CFH: variants seen among roughly 807,000 people sequenced by gnomAD.
The protein encoded by CFH is H factor 1 (complement).
A neutral mutation model predicts 147.3 loss-of-function variants in CFH; 53 were observed. The observed-to-expected ratio is 0.36, with a 90% CI of 0.29 to 0.45. The LOEUF is 0.45. Ranked by LOEUF, CFH falls within the 20% of genes least tolerant of loss-of-function variation. The pLI is 1.00. For missense variants in CFH, 1,380 were observed against 1,498.0 expected, an observed-to-expected ratio of 0.92 and a Z score of 1.30; for synonymous variants, 536 against 489.4, an observed-to-expected ratio of 1.10 and a Z score of -1.26.
rs775088436 is a variant in CFH, at chr1:196,685,251, A to T, written c.964+14A>T. The T allele has an allele frequency of 3.7e-6, 6 of 1,612,196 alleles. No homozygotes were observed. The highest frequency in any genetic ancestry group is 5.1e-6 in the Non-Finnish European group (6 of 1,178,622). The stretch of plus-strand genomic sequence containing the variant: ...CGAGATGTACCTGTAAGTTCCATTC[A>T]TATCTTGACCCATTTCTTAATTCTG... On this transcript the variant is annotated intron_variant, in intron 7 of 21. Transcript: ENST00000367429.
intron 15 of CFH, among the ~76,000 whole-genome samples, chr1:196,735,630 GTAC>G (rs1669382927): frequency 6.6e-6 from 1 of 151,792 alleles, no homozygotes; most frequent in East Asian, 1.9e-4. Context: ...AAAGCAACAG[GTAC>G]TACAATCTAG....
At chr1:196,669,838 G>C (rs1016040163) in intron 1 of CFH, among the ~76,000 whole-genome samples, 5 of 152,298 alleles carry the variant, frequency 3.3e-5, no homozygotes, top group Non-Finnish European at 5.9e-5. Context: ...ATCCCAGAAT[G>C]GTAGATTCAC....
At chr1:196,729,036 A>G (rs1234505792) in intron 15 of CFH, among the ~76,000 whole-genome samples, 2 of 152,036 alleles carry the variant, frequency 1.3e-5, no homozygotes, top group Non-Finnish European at 2.9e-5. Context: ...AAAGTTAGTC[A>G]TATTGACACA....
intron 9 of CFH, among the ~76,000 whole-genome samples, chr1:196,703,698 T>A (rs1158295396): frequency 1.3e-5 from 2 of 151,860 alleles, no homozygotes; most frequent in Non-Finnish European, 2.9e-5. Context: ...TAAAGCACAG[T>A]TTTTTGCTGG....
chr1:196,676,195 G>C, intron 4 of CFH, 130 bp downstream of exon 4: 1 of 567,912 alleles, frequency 1.8e-6, no homozygotes, highest in Non-Finnish European at 2.9e-6. Flanking sequence ...ATACAATGTA[G>C]AGTGGGAATC....
chr1:196,699,882 C>A (rs1051649937), intron 9 of CFH, among the ~76,000 whole-genome samples: 6 of 152,144 alleles, frequency 3.9e-5, no homozygotes, highest in Non-Finnish European at 8.8e-5. Context: ...ATTAGGCTAG[C>A]TTTCCATTGA....
At chr1:196,692,018 A>G (rs553496186) in intron 9 of CFH, among the ~76,000 whole-genome samples, 9 of 152,096 alleles carry the variant, frequency 5.9e-5, no homozygotes, top group African/African-American at 2.2e-4. Context: ...TTTATTGTAT[A>G]TTTTGTACAT....
rs1558154228 is a variant in CFH at position 196,672,988 on chromosome 1, A to G, written c.69A>G (p.Glu23=). 2.5e-6 allele frequency: 4 copies of G among 1,613,920 alleles called. No homozygotes were observed. The highest frequency in any genetic ancestry group is 2.5e-6 in the Non-Finnish European group (3 of 1,179,886). Residue 23 remains glutamate (E), a synonymous_variant, in exon 2 of 22, where the codon GAA becomes GAG. Transcript: ENST00000367429. ...TTTTATTGTTTGTAGATTGCAATGA[A>G]CTTCCTCCAAGAAGAAATACAGAAA... ...WAICVAEDCN[E]LPPRRNTEIL...
At chr1:196,665,229 T>G (rs1667040443) in intron 1 of CFH, among the ~76,000 whole-genome samples, 1 of 151,664 alleles carries the variant, frequency 6.6e-6, no homozygotes, top group Non-Finnish European at 1.5e-5. Context: ...TTCTCCACAT[T>G]TTGTATATAT....
intron 9 of CFH, among the ~76,000 whole-genome samples, chr1:196,702,735 G>T (rs116827816): frequency 0.011 from 1,636 of 152,216 alleles, 23 homozygotes; most frequent in Middle Eastern, 0.071. Context: ...TGCTCAGATT[G>T]CAGTTCCCAC....
intron 1 of CFH, among the ~76,000 whole-genome samples, chr1:196,655,697 G>A (rs1020805316): frequency 6.6e-6 from 1 of 151,966 alleles, no homozygotes; most frequent in African/African-American, 2.4e-5. Flanking sequence ...CACCTGCCTA[G>A]GCCTTTGAGA....
Position 196,673,891 on chromosome 1 carries a change from T to C in CFH, c.279T>C (p.Phe93=), listed in dbSNP as rs756531397. 6.2e-7 allele frequency: 1 copy of C among 1,613,720 alleles called. No homozygotes were observed. Among genetic ancestry groups the C allele is most frequent in the Non-Finnish European group, 8.5e-7 (1 of 1,179,744 alleles). ...RPCGHPGDTP[F]GTFTLTGGNV... ...GTGGACATCCTGGAGATACTCCTTTTGGTACTTTTACCCTTACAGGAGGAA... is the reference window on the plus strand; with the variant it reads ...GTGGACATCCTGGAGATACTCCTTTCGGTACTTTTACCCTTACAGGAGGAA... The change falls in exon 3 of 22, where the codon TTT becomes TTC. Residue 93 remains phenylalanine, a synonymous_variant. Coordinates refer to ENST00000367429, the MANE Select transcript of CFH (RefSeq NM_000186.4).
At chr1:196,661,620 A>T (rs1366714258) in intron 1 of CFH, among the ~76,000 whole-genome samples, 1 of 152,160 alleles carries the variant, frequency 6.6e-6, no homozygotes, top group Admixed American at 6.5e-5. Flanking sequence ...CACCTTCACG[A>T]CCTAATCACT....
intron 9 of CFH, among the ~76,000 whole-genome samples, chr1:196,709,690 C>T (rs527237456): frequency 1.4e-4 from 22 of 152,180 alleles, no homozygotes; most frequent in African/African-American, 5.1e-4. Context: ...TAAAGAAGCC[C>T]TTGTCACAAG....
At chr1:196,711,712 T>C (rs889485066) in intron 9 of CFH, among the ~76,000 whole-genome samples, 1 of 152,100 alleles carries the variant, frequency 6.6e-6, no homozygotes, top group Non-Finnish European at 1.5e-5. Context: ...GACCTAGATG[T>C]TCAAACGAGT....
intron 13 of CFH, 26 bp downstream of exon 13, chr1:196,726,678 A>G (rs1480516938): frequency 1.2e-6 from 2 of 1,604,326 alleles, no homozygotes; most frequent in Admixed American, 3.3e-5. Context: ...TTAATATTTA[A>G]ACTTGTCAAA....
At chr1:196,731,154 TCTTG>T (rs147782871) in intron 15 of CFH, among the ~76,000 whole-genome samples, 3,043 of 151,952 alleles carry the variant, frequency 0.02, 93 homozygotes, top group African/African-American at 0.069. Flanking sequence ...TTTGTTTCTT[TCTTG>T]CTTGCTTTAT....
Position 196,689,614 on chromosome 1 carries a change from A to G in CFH, c.1159A>G (p.Arg387Gly), listed in dbSNP as rs771481647. 1.3e-5 allele frequency: 21 copies of G among 1,613,396 alleles called. No individual in the cohort carries two copies. Among genetic ancestry groups the G allele is most frequent in the Non-Finnish European group, 1.5e-5 (18 of 1,179,546 alleles). The change falls in exon 8 of 22, where the codon AGA becomes GGA. Residue 387 changes from arginine to glycine, a missense_variant and splice_region_variant. By Grantham distance (125) the Arg-to-Gly change is moderately radical. Coordinates refer to ENST00000367429, the MANE Select transcript of CFH (RefSeq NM_000186.4). The part of the protein sequence containing the change: ...DGWSPAVPCL[R>G]KCYFPYLENG... ...ATGGTCGCCAGCAGTACCATGCCTC[A>G]GTAAGTAAACCTCTGAACTGCTATA... is the stretch of plus-strand genomic sequence containing the variant.
intron 17 of CFH, among the ~76,000 whole-genome samples, chr1:196,738,681 T>C (rs1652682051): frequency 6.6e-6 from 1 of 152,198 alleles, no homozygotes; most frequent in African/African-American, 2.4e-5. Context: ...GTCCCCCTCC[T>C]GGTTGCTTTC....
Sources: gnomAD v4.1 joint callset for allele counts (sites outside exome capture counted in the v4.1 genomes callset) on GRCh38, gnomAD v4.1.1 for gene constraint, MANE v1.5 for transcripts, NCBI Gene and HGNC (gene_info 2026-07-23, HGNC 2026-07-21) for gene names.